Variants in CELF1 observed in about 807,000 individuals in gnomAD.
The protein encoded by CELF1 is CUGBP Elav-like family member 1, also known as 50 kDa nuclear polyadenylated RNA-binding protein.
CELF1 carries 10 observed loss-of-function variants against 61.8 expected under a neutral mutation model. The observed-to-expected ratio is 0.16, with a 90% CI of 0.10 to 0.27. CELF1 has a LOEUF of 0.27. CELF1 is among the 10% of genes least tolerant of loss of function. CELF1 has a pLI of 1.00. For missense variants in CELF1, 380 were observed against 639.1 expected (o/e 0.59, Z 4.37); for synonymous variants, 236 against 225.1 (o/e 1.05, Z -0.43).
chr11:47,546,647 C>A (rs1417937810), intron 1 of CELF1, among the ~76,000 whole-genome samples: 5 of 152,120 alleles, frequency 3.3e-5, no homozygotes, highest in Admixed American at 1.3e-4. Flanking sequence ...TATCTGTGCA[C>A]AACATAAGAT....
At chr11:47,515,579 G>T (rs989254602) in intron 1 of CELF1, among the ~76,000 whole-genome samples, 8 of 152,198 alleles carry the variant, frequency 5.3e-5, no homozygotes, top group African/African-American at 1.9e-4. Flanking sequence ...CATGTAGGCA[G>T]AATGTGACTA....
chr11:47,538,544 G>A (rs1365533421), intron 1 of CELF1, among the ~76,000 whole-genome samples: 1 of 151,108 alleles, frequency 6.6e-6, no homozygotes, highest in Non-Finnish European at 1.5e-5. Flanking sequence ...TCGGGAGGCT[G>A]AGGCAGGAGA....
intron 2 of CELF1, among the ~76,000 whole-genome samples, chr11:47,559,625 C>T (rs564137896): frequency 5.3e-5 from 8 of 152,096 alleles, no homozygotes; most frequent in Non-Finnish European, 1.0e-4. Context: ...CCATGGCACC[C>T]GGCCTATGTA....
intron 1 of CELF1, among the ~76,000 whole-genome samples, chr11:47,534,274 C>A (rs2096574362): frequency 6.6e-6 from 1 of 150,972 alleles, no homozygotes; most frequent in South Asian, 2.1e-4. Context: ...AGGTGATCCA[C>A]CCGCCTTGGC....
At chr11:47,528,435 T>C (rs550352628) in intron 1 of CELF1, among the ~76,000 whole-genome samples, 3 of 152,016 alleles carry the variant, frequency 2.0e-5, no homozygotes, top group Non-Finnish European at 4.4e-5. Context: ...TATACAGTTA[T>C]TCCATCTCAC....
intron 2 of CELF1, among the ~76,000 whole-genome samples, chr11:47,561,124 T>C (rs1445946556): frequency 5.4e-4 from 50 of 92,064 alleles, no homozygotes; most frequent in African/African-American, 6.6e-4. Flanking sequence ...GGCAACAGAG[T>C]GAGACTCTGT....
Position 47,486,803 on chromosome 11 carries a change from A to G in CELF1, c.343-5T>C. ...CATCTGTATAGGGTGATGCATCTGAAAAGGAAAAATATGATTATTATCACT... is the reference window on the plus strand; with the variant it reads ...CATCTGTATAGGGTGATGCATCTGAGAAGGAAAAATATGATTATTATCACT... On this transcript the variant is annotated splice_region_variant and splice_polypyrimidine_tract_variant and intron_variant, in intron 5 of 14. Coordinates refer to ENST00000687097, the MANE Select transcript of CELF1 (RefSeq NM_001376376.1). The G allele has an allele frequency of 1.2e-6, 2 of 1,603,444 alleles. No individual in the cohort carries two copies. Among genetic ancestry groups the G allele is most frequent in the Non-Finnish European group, 1.7e-6 (2 of 1,170,306 alleles).
At position 47,500,902 on chromosome 11, in the gene CELF1, G is replaced by C; in HGVS notation, c.-123C>G. ...CACCCAAGCTCAGTTCACAACACAG[G>C]GAACTTTGAAAAAAAGAAGTTATGT... is the stretch of plus-strand genomic sequence containing the variant. On this transcript the variant is annotated 5_prime_UTR_variant, in exon 2 of 15. Coordinates refer to ENST00000687097, the MANE Select transcript of CELF1 (RefSeq NM_001376376.1). 2 of 397,990 alleles carry C rather than the reference G, an allele frequency of 5.0e-6. No homozygotes were observed. The highest frequency in any genetic ancestry group is 8.9e-6 in the Non-Finnish European group (2 of 225,952). 24.7% of individuals were successfully genotyped at this position (397,990 alleles called of 1,614,324 possible).
chr11:47,475,312 A>C, intron 13 of CELF1, 24 bp downstream of exon 13: 1 of 1,611,192 alleles, frequency 6.2e-7, no homozygotes, highest in Non-Finnish European at 8.5e-7. Flanking sequence ...CCCATACCTG[A>C]CCCCGATCTC....
At position 47,477,015 on chromosome 11, in the gene CELF1, C is replaced by T; in HGVS notation, c.974-56G>A. ...CCATCACTGGCATTCTCGCCAAATA[C>T]AAGAAAAAGTGTCACTATCCAAGTA... On this transcript the variant is annotated intron_variant, in intron 11 of 14. Coordinates refer to ENST00000687097, the MANE Select transcript of CELF1 (RefSeq NM_001376376.1). 3.5e-6 allele frequency: 5 copies of T among 1,410,234 alleles called. No individual in the cohort carries two copies. The South Asian group carries it at 4.6e-5, about 13-fold the overall frequency. The allele number at this position is 1,410,234 out of a possible 1,614,324, so 87.4% of individuals were successfully genotyped here. A position where few individuals can be genotyped will look rare whatever the true frequency, so the allele number is the denominator to read the frequency against.
chr11:47,473,055 T>A (rs1385792024), intron 14 of CELF1, 33 bp downstream of exon 14: 2 of 1,606,900 alleles, frequency 1.2e-6, no homozygotes, highest in Admixed American at 3.4e-5. Flanking sequence ...AAAATACTAA[T>A]CCCATCCTGA....
At chr11:47,527,291 T>C (rs2096280242) in intron 1 of CELF1, among the ~76,000 whole-genome samples, 1 of 152,064 alleles carries the variant, frequency 6.6e-6, no homozygotes, top group Non-Finnish European at 1.5e-5. Flanking sequence ...CTCAGGGGGC[T>C]GAGGTGGGAA....
chr11:47,547,677 A>G (rs888710471), intron 1 of CELF1, among the ~76,000 whole-genome samples: 22 of 150,014 alleles, frequency 1.5e-4, no homozygotes, highest in African/African-American at 5.1e-4. Flanking sequence ...CTCAAAAAAA[A>G]AAAAAAGAAA....
Position 47,541,729 on chromosome 11 carries a change from CGAA to C in CELF1, c.-154+11260_-154+11262del. Among the ~76,000 whole-genome samples, 46 of 9,212 alleles carry C rather than the reference CGAA, an allele frequency of 5.0e-3. 5 individuals carry two copies. The highest frequency in any genetic ancestry group is 0.011 in the African/African-American group (46 of 4,156). The allele number at this position is 9,212 out of a possible 152,430, so 6.0% of individuals were successfully genotyped here. A position where few individuals can be genotyped will look rare whatever the true frequency, so the allele number is the denominator to read the frequency against. ...AAGAAAGAAAGAAAGAAAGAAAGAACGAAAGAAAGAACGAAAGAAAGAAAGAAC... is the reference window on the plus strand; with the variant it reads ...AAGAAAGAAAGAAAGAAAGAAAGAACAGAAAGAACGAAAGAAAGAAAGAAC... On this transcript the variant is annotated intron_variant, in intron 1 of 14. Coordinates refer to ENST00000687097, the MANE Select transcript of CELF1 (RefSeq NM_001376376.1).
intron 7 of CELF1, among the ~76,000 whole-genome samples, chr11:47,484,179 A>T (rs1219456965): frequency 1.3e-5 from 2 of 152,096 alleles, no homozygotes; most frequent in African/African-American, 4.8e-5. Context: ...TAAAAAATTT[A>T]AAAATTAGCT....
intron 1 of CELF1, among the ~76,000 whole-genome samples, chr11:47,545,250 A>T (rs1284836092): frequency 6.6e-6 from 1 of 152,048 alleles, no homozygotes; most frequent in Non-Finnish European, 1.5e-5. Flanking sequence ...ACCAACATGA[A>T]GAAACCCCAT....
intron 1 of CELF1, among the ~76,000 whole-genome samples, chr11:47,526,151 G>A (rs1180089981): frequency 6.6e-6 from 1 of 152,112 alleles, no homozygotes; most frequent in African/African-American, 2.4e-5. Context: ...CCAACAGGGA[G>A]AAACCCCGTC....
At chr11:47,554,907 G>A (rs1458552759), upstream of CELF1, among the ~76,000 whole-genome samples, 3 of 151,986 alleles carry the variant, frequency 2.0e-5, no homozygotes, top group Non-Finnish European at 4.4e-5. Flanking sequence ...CAAGTGTTCT[G>A]CCCGCCTCTG....
At chr11:47,546,322 A>G (rs2153744584) in intron 1 of CELF1, among the ~76,000 whole-genome samples, 1 of 149,512 alleles carries the variant, frequency 6.7e-6, no homozygotes, top group East Asian at 2.0e-4. Flanking sequence ...GCTGGAGTGC[A>G]GTGGCTTGAT....
Sources: gnomAD v4.1 joint callset for allele counts (sites outside exome capture counted in the v4.1 genomes callset) on GRCh38, gnomAD v4.1.1 for gene constraint, MANE v1.5 for transcripts, NCBI Gene and HGNC (gene_info 2026-07-23, HGNC 2026-07-21) for gene names.